P2RY14: variants seen among roughly 807,000 people sequenced by gnomAD.
P2RY14 encodes P2Y purinoceptor 14.
In P2RY14, 2 loss-of-function variants were observed where a neutral mutation model predicts 0.9. The ratio of observed to expected loss-of-function variants is 2.16; its 90% CI spans 0.88 to 6.79. The LOEUF (loss-of-function observed/expected upper bound fraction) is 6.79, where lower values mean the gene tolerates loss of function less well. Ranked by LOEUF, P2RY14 falls within the 30% of genes most tolerant of loss-of-function variation. The probability of loss-of-function intolerance (pLI) is 0.05; values close to 1 mark genes in which losing one functional copy is unlikely to be tolerated. For synonymous variants in P2RY14, 158 were observed against 147.2 expected, an observed-to-expected ratio of 1.07 and a Z score of -0.53; for missense variants, 378 against 400.1, an observed-to-expected ratio of 0.94 and a Z score of 0.47.
intron 1 of P2RY14, among the ~76,000 whole-genome samples, chr3:151,245,942 G>T (rs1400866723): frequency 6.6e-6 from 1 of 151,220 alleles, no homozygotes; most frequent in African/African-American, 2.4e-5. Flanking sequence ...CAAAATCAAT[G>T]TACAAAAATC....
At position 151,213,865 on chromosome 3, in the gene P2RY14, A is replaced by G. The variant is rs559492964; in HGVS notation, c.452T>C (p.Leu151Pro). 1 of 1,613,852 alleles carries G rather than the reference A, an allele frequency of 6.2e-7. No homozygotes were observed. Among genetic ancestry groups the G allele is most frequent in the African/African-American group, 1.3e-5 (1 of 75,052 alleles). ...LSVIVWMLML[L>P]LAVPNIILTN... is the part of the protein sequence containing the mutation. ...GAGAATAATATTTGGAACAGCAAGG[A>G]GGAGCATGAGCATCCATACTATCAC... is the stretch of plus-strand genomic sequence containing the variant. Residue 151 changes from leucine to proline, a missense_variant, in exon 3 of 3, where the codon CTC becomes CCC. Physicochemically the swap from Leu to Pro is moderately conservative, Grantham distance 98. Coordinates refer to ENST00000309170, the MANE Select transcript of P2RY14 (RefSeq NM_014879.4).
intron 1 of P2RY14, among the ~76,000 whole-genome samples, chr3:151,254,715 A>G (rs1410501777): frequency 1.3e-5 from 2 of 152,236 alleles, no homozygotes; most frequent in African/African-American, 4.8e-5. Flanking sequence ...TTAGCATTAC[A>G]ACTCAACAGG....
chr3:151,256,978 T>G (rs913480347), intron 1 of P2RY14, among the ~76,000 whole-genome samples: 7 of 152,180 alleles, frequency 4.6e-5, no homozygotes, highest in African/African-American at 1.7e-4. Flanking sequence ...TATGTATGAT[T>G]TGCCAGGAGT....
intron 1 of P2RY14, chr3:151,269,533 T>A (rs1245721520): frequency 1.1e-5 from 3 of 282,452 alleles, no homozygotes; most frequent in Admixed American, 8.9e-5. Flanking sequence ...TTGGAAGAGG[T>A]CAAAATTGAT....
chr3:151,230,079 C>T (rs562105662), intron 1 of P2RY14, among the ~76,000 whole-genome samples: 4 of 152,286 alleles, frequency 2.6e-5, no homozygotes, highest in Non-Finnish European at 5.9e-5. Flanking sequence ...ACGCCATTCT[C>T]CCGCCTCTGC....
chr3:151,246,280 C>T (rs1253567909), intron 1 of P2RY14, among the ~76,000 whole-genome samples: 4 of 152,078 alleles, frequency 2.6e-5, no homozygotes, highest in Non-Finnish European at 5.9e-5. Flanking sequence ...CTTTAAAGTT[C>T]ATATGGAACC....
At chr3:151,219,904 C>A (rs1213706007) in intron 1 of P2RY14, among the ~76,000 whole-genome samples, 3 of 90,542 alleles carry the variant, frequency 3.3e-5, no homozygotes, top group Admixed American at 1.3e-4. Flanking sequence ...CCCCCCCCCC[C>A]CTTGGATATG....
At chr3:151,217,831 C>T (rs188330111) in intron 2 of P2RY14, among the ~76,000 whole-genome samples, 11 of 152,154 alleles carry the variant, frequency 7.2e-5, no homozygotes, top group Admixed American at 2.0e-4. Flanking sequence ...TACTGTCTTA[C>T]GGGTTCAAGT....
intron 1 of P2RY14, among the ~76,000 whole-genome samples, chr3:151,238,449 G>A (rs1425080539): frequency 6.6e-6 from 1 of 152,170 alleles, no homozygotes; most frequent in African/African-American, 2.4e-5. Flanking sequence ...GCCCAGCCTG[G>A]AACAGTGGTT....
At chr3:151,268,125 C>T (rs569259343) in intron 1 of P2RY14, among the ~76,000 whole-genome samples, 6 of 152,126 alleles carry the variant, frequency 3.9e-5, no homozygotes, top group Admixed American at 3.9e-4. Context: ...ATGTTTTCAG[C>T]TTACATGTTT....
At position 151,254,546 on chromosome 3, in the gene P2RY14, A is replaced by G. The variant is rs143539636; in HGVS notation, c.-133+23741T>C. ...ATAAATGTTAGCTGTTATTATTTCA[A>G]TATTATAATTTGAACCAAACCTTAT... is the stretch of plus-strand genomic sequence containing the variant. On this transcript the variant is annotated intron_variant, in intron 1 of 2. Transcript: ENST00000309170. Among the ~76,000 whole-genome samples, 793 of 152,346 alleles carry G rather than the reference A, an allele frequency of 5.2e-3. 12 individuals are homozygous for G. Among genetic ancestry groups the G allele is most frequent in the African/African-American group, 0.018 (730 of 41,578 alleles).
chr3:151,220,369 C>G (rs1342568705), intron 1 of P2RY14, among the ~76,000 whole-genome samples: 1 of 152,032 alleles, frequency 6.6e-6, no homozygotes, highest in Admixed American at 6.6e-5. Flanking sequence ...ATTCTTTAAA[C>G]CAGTGAGTGC....
intron 1 of P2RY14, among the ~76,000 whole-genome samples, chr3:151,250,295 A>G (rs998180730): frequency 2.6e-5 from 4 of 152,186 alleles, no homozygotes; most frequent in Non-Finnish European, 5.9e-5. Flanking sequence ...TACACATAAC[A>G]TTTGCCACCT....
chr3:151,248,397 TAG>T (rs1406926445), intron 1 of P2RY14, among the ~76,000 whole-genome samples: 2 of 152,194 alleles, frequency 1.3e-5, no homozygotes, highest in Admixed American at 6.6e-5. Context: ...TCATTATTTG[TAG>T]AGTTTTAGCA....
intron 1 of P2RY14, among the ~76,000 whole-genome samples, chr3:151,231,032 G>C (rs557109474): frequency 6.6e-6 from 1 of 152,318 alleles, no homozygotes; most frequent in African/African-American, 2.4e-5. Flanking sequence ...AAGCCGACTT[G>C]AGGGCACTCC....
At chr3:151,266,425 G>A (rs769972231) in intron 1 of P2RY14, among the ~76,000 whole-genome samples, 1 of 152,180 alleles carries the variant, frequency 6.6e-6, no homozygotes. Context: ...AGTGTTGAGC[G>A]AACGGACTTA....
At chr3:151,227,881 T>C (rs1353759424) in intron 1 of P2RY14, among the ~76,000 whole-genome samples, 1 of 152,186 alleles carries the variant, frequency 6.6e-6, no homozygotes, top group Non-Finnish European at 1.5e-5. Flanking sequence ...GTTGGGTGTT[T>C]AGCCGCATCC....
chr3:151,267,522 C>T, intron 1 of P2RY14, among the ~76,000 whole-genome samples: 1 of 152,124 alleles, frequency 6.6e-6, no homozygotes, highest in Non-Finnish European at 1.5e-5. Context: ...CAGAAAAGTG[C>T]AAGCTACAAA....
At chr3:151,222,430 A>G (rs1482247184) in intron 1 of P2RY14, among the ~76,000 whole-genome samples, 1 of 152,144 alleles carries the variant, frequency 6.6e-6, no homozygotes, top group Non-Finnish European at 1.5e-5. Context: ...GGCTCCCTTA[A>G]TTTCCATGTG....
Sources: gnomAD v4.1 joint callset for allele counts (sites outside exome capture counted in the v4.1 genomes callset) on GRCh38, gnomAD v4.1.1 for gene constraint, MANE v1.5 for transcripts, NCBI Gene and HGNC (gene_info 2026-07-23, HGNC 2026-07-21) for gene names.